GAB2: variants seen among roughly 807,000 people sequenced by gnomAD.
GAB2 encodes the protein GRB2-associated-binding protein 2.
In GAB2, 26 loss-of-function variants were observed where a neutral mutation model predicts 65.5. The ratio of observed to expected loss-of-function variants is 0.40; its 90% CI spans 0.29 to 0.55. GAB2 has a LOEUF of 0.55. GAB2 is among the 20% of genes least tolerant of loss of function. The probability of loss-of-function intolerance (pLI) is 0.53; values close to 1 mark genes in which losing one functional copy is unlikely to be tolerated. For synonymous variants in GAB2, 321 were observed against 329.6 expected (o/e 0.97, Z 0.28); for missense variants, 884 against 875.8 (o/e 1.01, Z -0.12).
chr11:78,380,247 C>T (rs537729529), intron 1 of GAB2, among the ~76,000 whole-genome samples: 4 of 150,050 alleles, frequency 2.7e-5, no homozygotes, highest in East Asian at 1.9e-4. Flanking sequence ...CTCGCTCTGT[C>T]GCCAGGCTGA....
chr11:78,289,396 C>G (rs767476768), intron 1 of GAB2, among the ~76,000 whole-genome samples: 2 of 152,042 alleles, frequency 1.3e-5, no homozygotes, highest in Admixed American at 6.6e-5. Context: ...AAATGTAAAA[C>G]TATAAAACGT....
chr11:78,332,380 G>A (rs997217505), intron 1 of GAB2, among the ~76,000 whole-genome samples: 1 of 152,126 alleles, frequency 6.6e-6, no homozygotes, highest in East Asian at 1.9e-4. Context: ...ATTTGCCTGG[G>A]GGAGAAGCTT....
rs56217165 is a variant in GAB2, at chr11:78,339,980, G to A, written c.76-59079C>T. Among the ~76,000 whole-genome samples, 789 of 152,204 alleles carry A rather than the reference G, an allele frequency of 5.2e-3. 4 individuals carry two copies. The highest frequency in any genetic ancestry group is 0.018 in the African/African-American group (738 of 41,528). On this transcript the variant is annotated intron_variant, in intron 1 of 9. Transcript: ENST00000361507. ...GGCAAATGAGTGCTTTTTTGACTAC[G>A]GGTTGTTTTTCTTTTTAAAGAGAAA...
chr11:78,346,111 C>T (rs769823962), intron 1 of GAB2, among the ~76,000 whole-genome samples: 42 of 152,150 alleles, frequency 2.8e-4, no homozygotes, highest in African/African-American at 4.1e-4. Context: ...ACAATCAACT[C>T]GACAGCTGTA....
chr11:78,264,575 A>T (rs1461704564), intron 2 of GAB2, among the ~76,000 whole-genome samples: 6 of 144,564 alleles, frequency 4.2e-5, no homozygotes, highest in African/African-American at 1.5e-4. Context: ...TAATTTTTGT[A>T]TTTTTTTTTT....
chr11:78,400,783 A>G (rs1022881129), intron 1 of GAB2, among the ~76,000 whole-genome samples: 4 of 151,720 alleles, frequency 2.6e-5, no homozygotes, highest in Non-Finnish European at 5.9e-5. Flanking sequence ...TGCAGCCTGT[A>G]ATCCCAGCTT....
At chr11:78,310,615 G>C (rs1855480314) in intron 1 of GAB2, among the ~76,000 whole-genome samples, 1 of 152,092 alleles carries the variant, frequency 6.6e-6, no homozygotes, top group Non-Finnish European at 1.5e-5. Context: ...ATAGCTTAGA[G>C]AACAGAAGAT....
At chr11:78,307,690 T>A (rs1010986781) in intron 1 of GAB2, among the ~76,000 whole-genome samples, 37 of 151,728 alleles carry the variant, frequency 2.4e-4, no homozygotes, top group Non-Finnish European at 3.8e-4. Flanking sequence ...GTTGTAACAT[T>A]TTAAGTTTAT....
intron 1 of GAB2, among the ~76,000 whole-genome samples, chr11:78,397,510 G>A (rs1469662098): frequency 2.0e-5 from 3 of 152,188 alleles, no homozygotes; most frequent in Non-Finnish European, 2.9e-5. Context: ...GAGGTGGATG[G>A]TGCAGGAAAG....
At chr11:78,369,754 G>T (rs1471688663) in intron 1 of GAB2, among the ~76,000 whole-genome samples, 2 of 152,100 alleles carry the variant, frequency 1.3e-5, no homozygotes, top group Non-Finnish European at 2.9e-5. Flanking sequence ...AACTGGTCAG[G>T]TTGGTTAAAT....
At chr11:78,224,145 C>T (rs1864551799) in intron 5 of GAB2, among the ~76,000 whole-genome samples, 1 of 151,980 alleles carries the variant, frequency 6.6e-6, no homozygotes, top group Non-Finnish European at 1.5e-5. Context: ...GTCTGTGGGC[C>T]CCTTCAAGCC....
At chr11:78,329,464 CT>C (rs1298651073) in intron 1 of GAB2, among the ~76,000 whole-genome samples, 1 of 152,142 alleles carries the variant, frequency 6.6e-6, no homozygotes, top group African/African-American at 2.4e-5. Flanking sequence ...CTGTATCCCC[CT>C]ACTAGACCAT....
In GAB2 at chr11:78,293,455, CCT is replaced by C. The variant is rs201801911; in HGVS notation, c.76-12556_76-12555del. On this transcript the variant is annotated intron_variant, in intron 1 of 9. Transcript: ENST00000361507. Reference sequence around the variant, plus strand: ...TTGCTTCTGTTTTGGGGGAAAAAAACCTCTCAGTCAGATGATCTGTTAATTTA... The same window carrying C: ...TTGCTTCTGTTTTGGGGGAAAAAAACCTCAGTCAGATGATCTGTTAATTTA... Among the ~76,000 whole-genome samples the C allele has an allele frequency of 3.2e-4, 48 of 152,172 alleles. No individual in the cohort carries two copies. The East Asian group carries it at 9.1e-3, about 29-fold the overall frequency.
At chr11:78,289,382 C>T (rs576585125) in intron 1 of GAB2, among the ~76,000 whole-genome samples, 8 of 152,030 alleles carry the variant, frequency 5.3e-5, no homozygotes, top group African/African-American at 1.2e-4. Context: ...TGGACTTAAA[C>T]GTAAAATGTA....
intron 1 of GAB2, among the ~76,000 whole-genome samples, chr11:78,309,144 TA>T (rs1855434473): frequency 6.6e-6 from 1 of 152,122 alleles, no homozygotes; most frequent in South Asian, 2.1e-4. Context: ...GAGTCAAAAG[TA>T]ACTGCCAGAT....
intron 2 of GAB2, among the ~76,000 whole-genome samples, chr11:78,268,091 G>C (rs556056815): frequency 1.3e-5 from 2 of 152,158 alleles, no homozygotes; most frequent in South Asian, 4.2e-4. Context: ...GAGAAGGAAG[G>C]GTGGGCAGTT....
intron 1 of GAB2, among the ~76,000 whole-genome samples, chr11:78,296,960 C>A (rs894627241): frequency 1.3e-5 from 2 of 152,198 alleles, no homozygotes; most frequent in Admixed American, 6.5e-5. Flanking sequence ...ATCCCCTTCA[C>A]GAGGGCTCTG....
At chr11:78,417,205 CCCTTTGT>C (rs1464945480) in intron 1 of GAB2, among the ~76,000 whole-genome samples, 34 of 152,164 alleles carry the variant, frequency 2.2e-4, no homozygotes, top group African/African-American at 7.9e-4. Context: ...GAGGCGCTCG[CCCTTTGT>C]GGGGCCGTCC....
intron 3 of GAB2, among the ~76,000 whole-genome samples, chr11:78,242,643 A>G (rs1865171379): frequency 6.6e-6 from 1 of 152,254 alleles, no homozygotes; most frequent in South Asian, 2.1e-4. Context: ...CTAATACCAA[A>G]AAAGTAGAAA....
Sources: allele counts gnomAD v4.1 joint callset (sites outside exome capture counted in the v4.1 genomes callset), GRCh38; gene constraint gnomAD v4.1.1; transcripts MANE v1.5; gene names NCBI Gene and HGNC (gene_info 2026-07-23, HGNC 2026-07-21).